The following CREB1 variants were observed in gnomAD, a reference collection of about 807,000 sequenced individuals.
The protein encoded by CREB1 is cAMP responsive element binding protein 1, also known as cyclic AMP-responsive element-binding protein 1.
Under a neutral mutation model 42.0 loss-of-function variants are expected in CREB1, and 2 were observed. The ratio of observed to expected loss-of-function variants is 0.05; its 90% CI spans 0.02 to 0.15. The LOEUF (loss-of-function observed/expected upper bound fraction) is 0.15, where lower values mean the gene tolerates loss of function less well. Ranked by LOEUF, CREB1 falls within the 10% of genes least tolerant of loss-of-function variation. The pLI is 1.00. For missense variants in CREB1, 199 were observed against 388.9 expected, an observed-to-expected ratio of 0.51 and a Z score of 4.11; for synonymous variants, 123 against 139.9, an observed-to-expected ratio of 0.88 and a Z score of 0.85.
rs2087864617 is a variant in CREB1 at position 207,605,071 on chromosome 2, T to C, written c.*8013T>C. Among the ~76,000 whole-genome samples, 1 of 152,214 alleles carries C rather than the reference T, an allele frequency of 6.6e-6. No homozygotes were observed. The highest frequency in any genetic ancestry group is 2.4e-5 in the African/African-American group (1 of 41,446). On this transcript the variant is annotated 3_prime_UTR_variant, in exon 8 of 8. Coordinates refer to ENST00000353267, the MANE Select transcript of CREB1 (RefSeq NM_004379.5). ...GTATTTGAGTCCGTGTTTTCAATTA[T>C]TTGGGGTATATGCCTGGGAGTGGAG...
intron 7 of CREB1, among the ~76,000 whole-genome samples, chr2:207,587,934 G>C (rs746573387): frequency 6.6e-6 from 1 of 152,164 alleles, no homozygotes; most frequent in Admixed American, 6.5e-5. Context: ...CACAAAGCTA[G>C]AAGTGAGGAT....
chr2:207,604,828 A>G lies in CREB1; in HGVS notation c.*7770A>G, dbSNP rs1380314302. 6.6e-6 allele frequency among the ~76,000 whole-genome samples: 1 copy of G among 152,184 alleles called. No individual in the cohort carries two copies. The highest frequency in any genetic ancestry group is 2.4e-5 in the African/African-American group (1 of 41,444). On this transcript the variant is annotated 3_prime_UTR_variant, in exon 8 of 8. Coordinates refer to ENST00000353267, the MANE Select transcript of CREB1 (RefSeq NM_004379.5). Reference sequence around the variant, plus strand: ...TCCGGGTATTTCATGTGAGACTCATACACTGTGTATTACTTCTTTCGTCTA... The same window carrying G: ...TCCGGGTATTTCATGTGAGACTCATGCACTGTGTATTACTTCTTTCGTCTA...
intron 5 of CREB1, among the ~76,000 whole-genome samples, chr2:207,573,689 T>G (rs1355393876): frequency 2.6e-5 from 4 of 152,164 alleles, no homozygotes; most frequent in Admixed American, 6.5e-5. Flanking sequence ...GCTGTGATCT[T>G]GCCACTGCAC....
intron 1 of CREB1, among the ~76,000 whole-genome samples, chr2:207,530,617 C>G (rs1168068192): frequency 6.7e-6 from 1 of 148,998 alleles, no homozygotes; most frequent in African/African-American, 2.4e-5. Context: ...CGGCCCGACC[C>G]GGCCGGGCCT....
intron 1 of CREB1, among the ~76,000 whole-genome samples, chr2:207,544,526 T>C (rs2081225852): frequency 1.3e-5 from 2 of 152,236 alleles, no homozygotes; most frequent in African/African-American, 4.8e-5. Flanking sequence ...CTCATTAGTT[T>C]CTGTAAGCTC....
intron 6 of CREB1, among the ~76,000 whole-genome samples, chr2:207,576,097 G>A (rs1420613386): frequency 6.6e-6 from 1 of 151,610 alleles, no homozygotes; most frequent in African/African-American, 2.4e-5. Context: ...AAAGTGTTGG[G>A]ATGCCTCTGC....
intron 7 of CREB1, among the ~76,000 whole-genome samples, chr2:207,587,230 A>G (rs1343457572): frequency 1.3e-5 from 2 of 152,006 alleles, no homozygotes; most frequent in African/African-American, 4.8e-5. Flanking sequence ...CTTCTTTACT[A>G]AAAATCCAAA....
rs1369697458 is a variant in CREB1 at position 207,554,962 on chromosome 2, C to T, written c.-8-666C>T. On this transcript the variant is annotated intron_variant, in intron 1 of 7. Coordinates refer to ENST00000353267, the MANE Select transcript of CREB1 (RefSeq NM_004379.5). ...AATGCACGTGTATTCTCAGCTACTC[C>T]AGAGGCTGAGGCGGGAGGATCACTT... Among the ~76,000 whole-genome samples, 3 of 152,084 alleles carry T rather than the reference C, an allele frequency of 2.0e-5. No individual in the cohort carries two copies. The East Asian group carries it at 5.8e-4, about 29-fold the overall frequency.
intron 5 of CREB1, among the ~76,000 whole-genome samples, chr2:207,570,906 T>C (rs1388623923): frequency 6.6e-6 from 1 of 151,750 alleles, no homozygotes; most frequent in Non-Finnish European, 1.5e-5. Context: ...GATGTCTCTG[T>C]CTGGCACTTA....
intron 7 of CREB1, 52 bp from the exon 8 acceptor site, chr2:207,596,862 T>C (rs2106636800): frequency 1.3e-6 from 2 of 1,573,122 alleles, no homozygotes; most frequent in South Asian, 1.2e-5. Flanking sequence ...TAATCCAAAA[T>C]AAATATGTGG....
intron 3 of CREB1, among the ~76,000 whole-genome samples, chr2:207,562,583 A>G (rs1012164075): frequency 1.3e-5 from 2 of 152,172 alleles, no homozygotes; most frequent in African/African-American, 2.4e-5. Flanking sequence ...TATAAAAGAA[A>G]AGTTGGACTT....
intron 3 of CREB1, among the ~76,000 whole-genome samples, chr2:207,562,465 A>G (rs1450398829): frequency 6.6e-6 from 1 of 152,212 alleles, no homozygotes; most frequent in African/African-American, 2.4e-5. Context: ...GCCATTAAGT[A>G]TAGAAATATT....
intron 1 of CREB1, among the ~76,000 whole-genome samples, chr2:207,548,432 A>G (rs2081377160): frequency 6.6e-6 from 1 of 152,102 alleles, no homozygotes; most frequent in Admixed American, 6.5e-5. Context: ...TAAATCAGGG[A>G]ATTTGTTTTC....
Position 207,565,906 on chromosome 2 carries a change from CTT to C in CREB1, c.262-1556_262-1555del, listed in dbSNP as rs1239003527. On this transcript the variant is annotated intron_variant, in intron 3 of 7. Coordinates refer to ENST00000353267, the MANE Select transcript of CREB1 (RefSeq NM_004379.5). ...ATGTGAGAAAGTTTGTGCAGAGACTCTTGTGTGTGGGCTAGTTACAGCAGCTA... is the reference window on the plus strand; with the variant it reads ...ATGTGAGAAAGTTTGTGCAGAGACTCGTGTGTGGGCTAGTTACAGCAGCTA... 3.3e-5 allele frequency among the ~76,000 whole-genome samples: 5 copies of C among 152,152 alleles called. No individual in the cohort carries two copies. The East Asian group carries it at 5.8e-4, about 18-fold the overall frequency.
At chr2:207,558,809 T>G in intron 2 of CREB1, among the ~76,000 whole-genome samples, 1 of 151,948 alleles carries the variant, frequency 6.6e-6, no homozygotes, top group Non-Finnish European at 1.5e-5. Context: ...ACCTGGCTAA[T>G]TTTTTGTATT....
At chr2:207,593,983 C>T (rs112611208) in intron 7 of CREB1, among the ~76,000 whole-genome samples, 3 of 152,154 alleles carry the variant, frequency 2.0e-5, no homozygotes, top group Non-Finnish European at 2.9e-5. Flanking sequence ...CCTCCCAAAG[C>T]GCTGGGACCT....
intron 7 of CREB1, among the ~76,000 whole-genome samples, chr2:207,588,259 G>T (rs1020354674): frequency 1.4e-4 from 22 of 151,968 alleles, no homozygotes; most frequent in African/African-American, 5.3e-4. Context: ...TTTTATATAG[G>T]AACATCCATT....
intron 1 of CREB1, among the ~76,000 whole-genome samples, chr2:207,539,209 T>A (rs982721495): frequency 1.4e-5 from 2 of 145,294 alleles, no homozygotes; most frequent in African/African-American, 2.5e-5. Flanking sequence ...CCTGGCTAAT[T>A]TTTTTTTTTT....
At chr2:207,562,381 G>A (rs1392025388) in intron 3 of CREB1, among the ~76,000 whole-genome samples, 1 of 152,154 alleles carries the variant, frequency 6.6e-6, no homozygotes, top group African/African-American at 2.4e-5. Context: ...ATTGTAATAT[G>A]TGTTATTGTT....
Sources: gnomAD v4.1 joint callset for allele counts (sites outside exome capture counted in the v4.1 genomes callset) on GRCh38, gnomAD v4.1.1 for gene constraint, MANE v1.5 for transcripts, NCBI Gene and HGNC (gene_info 2026-07-23, HGNC 2026-07-21) for gene names.